The following USP37 variants were observed in gnomAD, a reference collection of about 807,000 sequenced individuals.
USP37 encodes the protein ubiquitin specific peptidase 37, also known as ubiquitin carboxyl-terminal hydrolase 37.
A neutral mutation model predicts 124.0 loss-of-function variants in USP37; 27 were observed. That is an observed-to-expected ratio of 0.22 (90% CI 0.16 to 0.30). The LOEUF is 0.30. Ranked by LOEUF, USP37 falls within the 10% of genes least tolerant of loss-of-function variation. The probability of loss-of-function intolerance (pLI) is 1.00; values close to 1 mark genes in which losing one functional copy is unlikely to be tolerated. For missense variants in USP37, 889 were observed against 1,140.4 expected, an observed-to-expected ratio of 0.78 and a Z score of 3.17; for synonymous variants, 365 against 388.0, an observed-to-expected ratio of 0.94 and a Z score of 0.70.
At chr2:218,485,418 T>C (rs1428106551) in intron 16 of USP37, among the ~76,000 whole-genome samples, 6 of 152,082 alleles carry the variant, frequency 3.9e-5, no homozygotes, top group Non-Finnish European at 7.4e-5. Flanking sequence ...CCTCCCAAAG[T>C]GCTAGGATTA....
intron 21 of USP37, among the ~76,000 whole-genome samples, chr2:218,464,084 C>A (rs1294370262): frequency 1.3e-5 from 2 of 151,928 alleles, no homozygotes; most frequent in African/African-American, 4.8e-5. Flanking sequence ...GTCTCGATCT[C>A]TTGATCTTGC....
chr2:218,498,871 A>G (rs750576480), intron 11 of USP37, among the ~76,000 whole-genome samples: 1 of 152,220 alleles, frequency 6.6e-6, no homozygotes, highest in Non-Finnish European at 1.5e-5. Context: ...TCATTTAAAT[A>G]TAACTTATTC....
intron 10 of USP37, among the ~76,000 whole-genome samples, chr2:218,517,021 T>C (rs1257482517): frequency 6.6e-6 from 1 of 152,216 alleles, no homozygotes; most frequent in African/African-American, 2.4e-5. Context: ...ACTTGTTCAA[T>C]CCAAGTATAC....
At chr2:218,494,154 TCA>T (rs1302065597) in intron 14 of USP37, among the ~76,000 whole-genome samples, 1 of 152,228 alleles carries the variant, frequency 6.6e-6, no homozygotes, top group South Asian at 2.1e-4. Flanking sequence ...GCAAGCAGTG[TCA>T]CAGACTACTG....
chr2:218,534,741 G>A (rs780095601), intron 8 of USP37, 35 bp from the exon 9 acceptor site: 8 of 1,374,674 alleles, frequency 5.8e-6, no homozygotes, highest in African/African-American at 1.5e-5. Flanking sequence ...TATAGTACAG[G>A]TGTATAAAAA....
intron 11 of USP37, among the ~76,000 whole-genome samples, chr2:218,508,244 T>G (rs961082491): frequency 5.3e-4 from 80 of 152,134 alleles, no homozygotes; most frequent in African/African-American, 1.9e-3. Flanking sequence ...CATTACCCTT[T>G]AGACCTGGTA....
At chr2:218,532,619 T>C (rs970068851) in intron 9 of USP37, among the ~76,000 whole-genome samples, 9 of 152,084 alleles carry the variant, frequency 5.9e-5, no homozygotes, top group Non-Finnish European at 1.2e-4. Context: ...TAGCATTTTT[T>C]TGCAATAAAC....
intron 17 of USP37, 85 bp downstream of exon 17, chr2:218,481,985 T>C (rs546796654): frequency 6.7e-5 from 96 of 1,434,854 alleles, no homozygotes; most frequent in Non-Finnish European, 8.7e-5. Flanking sequence ...AGTCATATTA[T>C]GTAATTCAGT....
chr2:218,506,286 CTTTTTTTTTT>C (rs60620765), intron 11 of USP37, among the ~76,000 whole-genome samples: 1 of 72,618 alleles, frequency 1.4e-5, no homozygotes, highest in Non-Finnish European at 2.4e-5. Context: ...TTCTTTCTGG[CTTTTTTTTTT>C]TTTTTTTTTT....
At chr2:218,501,908 A>G (rs1033071434) in intron 11 of USP37, among the ~76,000 whole-genome samples, 6 of 152,226 alleles carry the variant, frequency 3.9e-5, no homozygotes, top group Non-Finnish European at 5.9e-5. Context: ...CTATGGAGCT[A>G]CTGGCCAAAC....
chr2:218,556,344 G>GA (rs951269371), intron 4 of USP37, among the ~76,000 whole-genome samples: 180 of 146,490 alleles, frequency 1.2e-3, no homozygotes, highest in African/African-American at 3.8e-3. Context: ...CAGGGTTAAA[G>GA]AAAAAAAAAA....
At chr2:218,529,908 A>G in intron 10 of USP37, 48 bp downstream of exon 10, 1 of 1,467,916 alleles carries the variant, frequency 6.8e-7, no homozygotes, top group Non-Finnish European at 9.3e-7. Flanking sequence ...ATATTCTGAA[A>G]AAAAAAGAAC....
chr2:218,518,738 A>G (rs1690433188), intron 10 of USP37, among the ~76,000 whole-genome samples: 1 of 152,186 alleles, frequency 6.6e-6, no homozygotes, highest in Admixed American at 6.5e-5. Flanking sequence ...AGGGTCATAG[A>G]TTTTTCAGTT....
At chr2:218,527,056 G>A (rs893289711) in intron 10 of USP37, among the ~76,000 whole-genome samples, 9 of 152,108 alleles carry the variant, frequency 5.9e-5, no homozygotes, top group South Asian at 2.1e-4. Flanking sequence ...CCAAAGTGCT[G>A]GGACCACAGG....
intron 20 of USP37, among the ~76,000 whole-genome samples, chr2:218,468,873 A>G (rs1246202): frequency 6.6e-6 from 1 of 151,638 alleles, no homozygotes; most frequent in Admixed American, 6.6e-5. Flanking sequence ...TTTTATTTTT[A>G]GTAGAGACAG....
intron 10 of USP37, among the ~76,000 whole-genome samples, chr2:218,523,132 A>AG (rs1164372611): frequency 6.6e-6 from 1 of 152,092 alleles, no homozygotes; most frequent in Non-Finnish European, 1.5e-5. Flanking sequence ...AAAAATTAGC[A>AG]GGCGCCTATA....
chr2:218,489,928 T>C (rs1205704806), intron 14 of USP37, among the ~76,000 whole-genome samples: 2 of 152,248 alleles, frequency 1.3e-5, no homozygotes, highest in African/African-American at 4.8e-5. Context: ...CTGCTGCGCA[T>C]GACTCTACTG....
intron 9 of USP37, among the ~76,000 whole-genome samples, 163 bp from the exon 10 acceptor site, chr2:218,530,203 A>G (rs1350120985): frequency 6.6e-6 from 1 of 152,116 alleles, no homozygotes; most frequent in Non-Finnish European, 1.5e-5. Flanking sequence ...ATTGTGCCTC[A>G]CAGATATTGC....
Position 218,454,693 on chromosome 2 carries a change from A to G in USP37, c.*237T>C, listed in dbSNP as rs1689598328. On this transcript the variant is annotated 3_prime_UTR_variant, in exon 26 of 26. Transcript: ENST00000258399. ...TTACAACATGTATTCCTAAGACAAAAGAAGTGCCACTCATAGGAGAAAAAG... is the reference window on the plus strand; with the variant it reads ...TTACAACATGTATTCCTAAGACAAAGGAAGTGCCACTCATAGGAGAAAAAG... 2 of 653,578 alleles carry G rather than the reference A, an allele frequency of 3.1e-6. No individual in the cohort carries two copies. The highest frequency in any genetic ancestry group is 3.6e-5 in the African/African-American group (2 of 54,900). 40.5% of individuals were successfully genotyped at this position (653,578 alleles called of 1,614,324 possible).
Sources: allele counts gnomAD v4.1 joint callset (sites outside exome capture counted in the v4.1 genomes callset), GRCh38; gene constraint gnomAD v4.1.1; transcripts MANE v1.5; gene names NCBI Gene and HGNC (gene_info 2026-07-23, HGNC 2026-07-21).